The following ROBO2 variants were observed in gnomAD, a reference collection of about 807,000 sequenced individuals.
ROBO2 encodes the protein roundabout homolog 2.
In ROBO2, 53 loss-of-function variants were observed where a neutral mutation model predicts 160.8. The observed-to-expected ratio is 0.33, with a 90% CI of 0.26 to 0.41. ROBO2 has a LOEUF of 0.41. ROBO2 is among the 10% of genes least tolerant of loss of function. The pLI, the probability that ROBO2 is intolerant of heterozygous loss-of-function variation, is 1.00. For synonymous variants in ROBO2, 664 were observed against 611.7 expected (o/e 1.09, Z -1.26); for missense variants, 1,577 against 1,722.4 (o/e 0.92, Z 1.49).
chr3:77,474,080 C>T (rs924909146), intron 2 of ROBO2, among the ~76,000 whole-genome samples: 1 of 152,134 alleles, frequency 6.6e-6, no homozygotes, highest in Non-Finnish European at 1.5e-5. Flanking sequence ...CAAATGATAT[C>T]GCAGAAAGGA....
chr3:76,937,379 CTG>C (rs1467053141), intron 2 of ROBO2, among the ~76,000 whole-genome samples: 24 of 151,954 alleles, frequency 1.6e-4, no homozygotes, highest in South Asian at 2.1e-4. Flanking sequence ...TAAAAATTTA[CTG>C]GAATAATATC....
chr3:77,131,855 ATAAT>A (rs1408822794), intron 2 of ROBO2, among the ~76,000 whole-genome samples: 1 of 152,168 alleles, frequency 6.6e-6, no homozygotes, highest in Admixed American at 6.5e-5. Context: ...AATTTTTAAA[ATAAT>A]TAAATTAATT....
At chr3:76,106,600 A>G (rs1208244396) in intron 2 of ROBO2, among the ~76,000 whole-genome samples, 2 of 152,064 alleles carry the variant, frequency 1.3e-5, no homozygotes, top group South Asian at 4.1e-4. Context: ...ACTCTCTTCC[A>G]TGGCCTCAAA....
At chr3:76,676,315 C>CTCCTTCCTGGCGCTTTGCACTTT (rs1393490676) in intron 2 of ROBO2, among the ~76,000 whole-genome samples, 1 of 152,144 alleles carries the variant, frequency 6.6e-6, no homozygotes, top group Admixed American at 6.6e-5. Context: ...CTTTGCACTT[C>CTCCTTCCTGGCGCTTTGCACTTT]TCCTTCCTGG....
intron 2 of ROBO2, among the ~76,000 whole-genome samples, chr3:76,928,995 C>T (rs1248530577): frequency 1.3e-5 from 2 of 152,154 alleles, no homozygotes; most frequent in Admixed American, 6.5e-5. Flanking sequence ...TGTGGTGGCT[C>T]ACACTTGTAA....
At chr3:76,320,077 C>G (rs943160319) in intron 2 of ROBO2, among the ~76,000 whole-genome samples, 1 of 152,064 alleles carries the variant, frequency 6.6e-6, no homozygotes, top group African/African-American at 2.4e-5. Flanking sequence ...TTAAAACAAA[C>G]TACACATCAA....
At chr3:75,918,078 T>C (rs575214946) in intron 1 of ROBO2, among the ~76,000 whole-genome samples, 1 of 152,366 alleles carries the variant, frequency 6.6e-6, no homozygotes, top group East Asian at 1.9e-4. Context: ...TTTCCAGTGC[T>C]GTTGGTGTTT....
Position 76,961,419 on chromosome 3 carries a change from G to T in ROBO2, c.110-136595G>T, listed in dbSNP as rs114303926. On this transcript the variant is annotated intron_variant, in intron 2 of 26. Transcript: ENST00000487694. The stretch of plus-strand genomic sequence containing the variant: ...TTTGTCACACCTACTACTTTTTGTG[G>T]ATCTAAGATATCACTATCTAAGCCT... 5.9e-3 allele frequency among the ~76,000 whole-genome samples: 899 copies of T among 151,718 alleles called. 8 individuals carry two copies. Among genetic ancestry groups the T allele is most frequent in the African/African-American group, 0.02 (837 of 41,346 alleles).
chr3:76,462,294 C>G (rs2078128553), intron 2 of ROBO2, among the ~76,000 whole-genome samples: 1 of 152,162 alleles, frequency 6.6e-6, no homozygotes, highest in African/African-American at 2.4e-5. Context: ...TCACCGAGCT[C>G]TTTCCCCTCA....
chr3:77,555,793 T>G (rs1429721175), intron 8 of ROBO2, among the ~76,000 whole-genome samples: 2 of 151,950 alleles, frequency 1.3e-5, no homozygotes, highest in African/African-American at 2.4e-5. Flanking sequence ...ATCACTGGAA[T>G]CCCTAAATGT....
intron 2 of ROBO2, among the ~76,000 whole-genome samples, chr3:76,289,159 T>C (rs535652071): frequency 1.7e-4 from 26 of 152,196 alleles, no homozygotes; most frequent in Non-Finnish European, 3.4e-4. Flanking sequence ...CAGCATCTGT[T>C]ACTTTTTGAC....
At chr3:76,658,888 T>A (rs2091696628) in intron 2 of ROBO2, among the ~76,000 whole-genome samples, 1 of 152,220 alleles carries the variant, frequency 6.6e-6, no homozygotes, top group Non-Finnish European at 1.5e-5. Flanking sequence ...AATATTCCAT[T>A]GAATAGCTAT....
chr3:77,423,289 A>G (rs1421482662), intron 2 of ROBO2, among the ~76,000 whole-genome samples: 3 of 152,152 alleles, frequency 2.0e-5, no homozygotes, highest in African/African-American at 7.2e-5. Context: ...TTTGTTGTGT[A>G]GTTGGTATGT....
intron 2 of ROBO2, among the ~76,000 whole-genome samples, chr3:77,117,994 C>G (rs1293709347): frequency 6.6e-6 from 1 of 152,136 alleles, no homozygotes; most frequent in African/African-American, 2.4e-5. Flanking sequence ...TTGCAGTTTA[C>G]ATTTATTCAC....
intron 2 of ROBO2, among the ~76,000 whole-genome samples, chr3:76,894,112 A>T (rs1202669297): frequency 1.3e-5 from 2 of 152,078 alleles, no homozygotes; most frequent in African/African-American, 2.4e-5. Flanking sequence ...TTATTCAGGT[A>T]GTACTGCTTA....
At chr3:77,557,531 T>G (rs2153658328) in intron 8 of ROBO2, among the ~76,000 whole-genome samples, 1 of 152,128 alleles carries the variant, frequency 6.6e-6, no homozygotes, top group South Asian at 2.1e-4. Flanking sequence ...ACTCATATGA[T>G]ACTTCACACA....
chr3:76,780,823 T>C (rs2062594927), intron 2 of ROBO2, among the ~76,000 whole-genome samples: 1 of 150,948 alleles, frequency 6.6e-6, no homozygotes, highest in African/African-American at 2.4e-5. Flanking sequence ...TATAGCTTTG[T>C]AATATTATTT....
chr3:76,400,061 A>G (rs2077724772), intron 2 of ROBO2, among the ~76,000 whole-genome samples: 1 of 151,676 alleles, frequency 6.6e-6, no homozygotes, highest in Non-Finnish European at 1.5e-5. Flanking sequence ...CATGATACCA[A>G]TCCTAAAATC....
At chr3:76,547,523 C>A (rs1351366914) in intron 2 of ROBO2, among the ~76,000 whole-genome samples, 1 of 151,918 alleles carries the variant, frequency 6.6e-6, no homozygotes, top group African/African-American at 2.4e-5. Context: ...GCATTAAACT[C>A]ATACTGAAAT....
Sources: allele counts gnomAD v4.1 joint callset (sites outside exome capture counted in the v4.1 genomes callset), GRCh38; gene constraint gnomAD v4.1.1; transcripts MANE v1.5; gene names NCBI Gene and HGNC (gene_info 2026-07-23, HGNC 2026-07-21).